The following TRPC5 variants were observed in gnomAD, a reference collection of about 807,000 sequenced individuals.
TRPC5 encodes the protein short transient receptor potential channel 5.
A neutral mutation model predicts 56.5 loss-of-function variants in TRPC5; 9 were observed. The ratio of observed to expected loss-of-function variants is 0.16; its 90% CI spans 0.10 to 0.28. The LOEUF is 0.28. Ranked by LOEUF, TRPC5 falls within the 10% of genes least tolerant of loss-of-function variation. TRPC5 has a pLI of 1.00. For missense variants in TRPC5, 469 were observed against 748.9 expected, an observed-to-expected ratio of 0.63 and a Z score of 4.36; for synonymous variants, 282 against 278.5, an observed-to-expected ratio of 1.01 and a Z score of -0.13.
intron 2 of TRPC5, among the ~76,000 whole-genome samples, chrX:111,951,487 C>G (rs1163970129): frequency 5.4e-5 from 6 of 111,705 alleles, no homozygotes. Context: ...AACCTAGGTG[C>G]CTTGGAGGAT....
intron 2 of TRPC5, among the ~76,000 whole-genome samples, chrX:111,920,885 A>G (rs974583732): frequency 8.9e-6 from 1 of 111,937 alleles, no homozygotes; most frequent in African/African-American, 3.2e-5. Flanking sequence ...CCTAGTAGCT[A>G]TTAAGAAAAA....
intron 1 of TRPC5, among the ~76,000 whole-genome samples, chrX:111,970,333 G>C (rs1190133195): frequency 8.9e-6 from 1 of 111,740 alleles, no homozygotes; most frequent in Non-Finnish European, 1.9e-5. Flanking sequence ...CTCGGCCCCA[G>C]AGAGTTCTGC....
chrX:111,950,542 C>G (rs1156953643), intron 2 of TRPC5, among the ~76,000 whole-genome samples: 1 of 111,143 alleles, frequency 9.0e-6, no homozygotes, highest in Non-Finnish European at 1.9e-5. Flanking sequence ...GAATAAAAGA[C>G]TACAAATAGG....
chrX:111,796,406 C>T (rs1179410212), intron 7 of TRPC5, among the ~76,000 whole-genome samples: 4 of 111,266 alleles, frequency 3.6e-5, no homozygotes, highest in African/African-American at 1.3e-4. Flanking sequence ...TGCTTTTTTG[C>T]GTGTTTTGTA....
Position 111,854,050 on chromosome X carries a change from G to A in TRPC5, c.957C>T (p.Phe319=), listed in dbSNP as rs1198241243. 1 of 1,211,526 alleles carries A rather than the reference G, an allele frequency of 8.3e-7. No homozygotes were observed. Among genetic ancestry groups the A allele is most frequent in the Non-Finnish European group, 1.1e-6 (1 of 895,386 alleles). ...CCCAGTGTTTCCGCCGCCATCCAGG[G>A]AAGCCATCATACCACAGGGTGGCAA... ...QLLATLWYDG[F]PGWRRKHWVV... The change falls in exon 4 of 11, where the codon TTC becomes TTT. Residue 319 remains phenylalanine, a synonymous_variant. Coordinates refer to ENST00000262839, the MANE Select transcript of TRPC5 (RefSeq NM_012471.3).
chrX:111,874,974 G>A (rs1923877828), intron 3 of TRPC5, among the ~76,000 whole-genome samples: 1 of 112,353 alleles, frequency 8.9e-6, no homozygotes, highest in Non-Finnish European at 1.9e-5. Context: ...TCTCTGGTAT[G>A]TAGGCATTGG....
intron 1 of TRPC5, among the ~76,000 whole-genome samples, chrX:111,954,342 C>T (rs1927171169): frequency 9.0e-6 from 1 of 111,730 alleles, no homozygotes. Context: ...GGATAGGAAA[C>T]AATACAACCC....
intron 1 of TRPC5, among the ~76,000 whole-genome samples, chrX:112,002,867 C>T (rs1251023555): frequency 8.9e-6 from 1 of 111,932 alleles, no homozygotes; most frequent in South Asian, 3.7e-4. Flanking sequence ...ACATTGTGAC[C>T]AACCATTGCA....
intron 1 of TRPC5, among the ~76,000 whole-genome samples, chrX:112,043,309 C>T (rs1929942990): frequency 9.0e-6 from 1 of 111,452 alleles, no homozygotes; most frequent in African/African-American, 3.3e-5. Flanking sequence ...CTTAAATGTG[C>T]GGGTTCTTTG....
intron 1 of TRPC5, among the ~76,000 whole-genome samples, chrX:112,063,766 G>A (rs1930511602): frequency 8.9e-6 from 1 of 112,114 alleles, no homozygotes; most frequent in Admixed American, 9.4e-5. Context: ...ATTTTTAAGT[G>A]CTTACTTATT....
chrX:111,831,165 G>T (rs1922395559), intron 7 of TRPC5, among the ~76,000 whole-genome samples: 1 of 112,500 alleles, frequency 8.9e-6, no homozygotes. Context: ...CCCTTTACTT[G>T]CTGGATTGTC....
intron 1 of TRPC5, among the ~76,000 whole-genome samples, chrX:112,065,093 AC>A (rs1930551139): frequency 9.1e-6 from 1 of 110,219 alleles, no homozygotes; most frequent in Non-Finnish European, 1.9e-5. Context: ...AAAAAAAAAA[AC>A]AAAAAGGTTA....
intron 3 of TRPC5, among the ~76,000 whole-genome samples, chrX:111,860,303 T>TA (rs1268916571): frequency 0.066 from 4 of 61 alleles, no homozygotes; most frequent in Admixed American, 0.1. Context: ...ACTTAGTTGT[T>TA]AAAGCTGTAG....
chrX:111,863,996 A>AT (rs1418014119), intron 3 of TRPC5, among the ~76,000 whole-genome samples: 4 of 109,983 alleles, frequency 3.6e-5, no homozygotes, highest in East Asian at 2.9e-4. Flanking sequence ...CTTTTTTATT[A>AT]TTTTTTTTGA....
chrX:111,854,393 C>T (rs1211120169), intron 3 of TRPC5, among the ~76,000 whole-genome samples: 1 of 111,722 alleles, frequency 9.0e-6, no homozygotes, highest in East Asian at 2.8e-4. Context: ...TCCCTCCCAC[C>T]TTGTCAGAGT....
intron 3 of TRPC5, among the ~76,000 whole-genome samples, chrX:111,873,337 T>G (rs1380208402): frequency 9.0e-6 from 1 of 110,976 alleles, no homozygotes; most frequent in Admixed American, 9.6e-5. Flanking sequence ...CAATAGACAC[T>G]GGGAATCACT....
chrX:111,881,936 G>A (rs1305014976), intron 3 of TRPC5: 1 of 110,981 alleles, frequency 9.0e-6, no homozygotes, highest in African/African-American at 3.3e-5. Context: ...CAATTCAGGG[G>A]TTGCTTCCCG....
At chrX:111,882,035 C>T (rs1924249724) in intron 3 of TRPC5, 1 of 107,236 alleles carries the variant, frequency 9.3e-6, no homozygotes, top group Non-Finnish European at 1.9e-5. Flanking sequence ...GAAGATCTCT[C>T]TTCTAAACTG....
At chrX:111,805,792 C>G (rs1000718939) in intron 7 of TRPC5, among the ~76,000 whole-genome samples, 2 of 110,790 alleles carry the variant, frequency 1.8e-5, no homozygotes, top group Non-Finnish European at 3.8e-5. Context: ...CCCACCTCAA[C>G]CTCCTGAGTA....
Sources: gnomAD v4.1 joint callset for allele counts (sites outside exome capture counted in the v4.1 genomes callset) on GRCh38, gnomAD v4.1.1 for gene constraint, MANE v1.5 for transcripts, NCBI Gene and HGNC (gene_info 2026-07-23, HGNC 2026-07-21) for gene names.